Variants in ZNF827 observed in about 807,000 individuals in gnomAD.
The protein encoded by ZNF827 is zinc finger protein 827.
In ZNF827, 13 loss-of-function variants were observed where a neutral mutation model predicts 102.4. That is an observed-to-expected ratio of 0.13 (90% CI 0.08 to 0.20). The LOEUF is 0.20. ZNF827 is among the 10% of genes least tolerant of loss of function. The pLI, the probability that ZNF827 is intolerant of heterozygous loss-of-function variation, is 1.00. For missense variants in ZNF827, 1,103 were observed against 1,344.4 expected (o/e 0.82, Z 2.81); for synonymous variants, 523 against 536.2 (o/e 0.98, Z 0.34).
At chr4:145,797,900 A>C (rs191435167) in intron 8 of ZNF827, among the ~76,000 whole-genome samples, 2 of 152,294 alleles carry the variant, frequency 1.3e-5, no homozygotes, top group African/African-American at 4.8e-5. Context: ...AGTCTGAATA[A>C]TGTTCATTTC....
chr4:145,799,557 A>G (rs1170428457), intron 8 of ZNF827, among the ~76,000 whole-genome samples: 1 of 152,208 alleles, frequency 6.6e-6, no homozygotes, highest in East Asian at 1.9e-4. Context: ...ACCTAAAAGA[A>G]TTAACCTAAA....
intron 8 of ZNF827, among the ~76,000 whole-genome samples, chr4:145,809,504 C>T (rs1166561529): frequency 6.6e-6 from 1 of 152,172 alleles, no homozygotes; most frequent in East Asian, 1.9e-4. Context: ...TAAAAGTCCA[C>T]AAGACTAGGA....
In ZNF827 at chr4:145,809,197, A is replaced by G. The variant is rs185976022; in HGVS notation, c.2383+14225T>C. 6.3e-3 allele frequency among the ~76,000 whole-genome samples: 956 copies of G among 152,370 alleles called. 5 individuals are homozygous for G. The highest frequency in any genetic ancestry group is 9.9e-3 in the Non-Finnish European group (675 of 68,030). Reference sequence around the variant, plus strand: ...AAACTTCCAGAGAGAGTTGGTGTCAAGCATTCAGTATGAGAATAGTATGAA... The same window carrying G: ...AAACTTCCAGAGAGAGTTGGTGTCAGGCATTCAGTATGAGAATAGTATGAA... On this transcript the variant is annotated intron_variant, in intron 8 of 14. Coordinates refer to ENST00000508784, the MANE Select transcript of ZNF827 (RefSeq NM_001306215.2).
intron 7 of ZNF827, among the ~76,000 whole-genome samples, chr4:145,843,377 C>T (rs1313312969): frequency 6.6e-6 from 1 of 152,192 alleles, no homozygotes; most frequent in Non-Finnish European, 1.5e-5. Flanking sequence ...TCCTCTTACT[C>T]ATAATCTCCC....
chr4:145,904,912 C>T (rs1751719640), intron 1 of ZNF827, among the ~76,000 whole-genome samples: 1 of 152,184 alleles, frequency 6.6e-6, no homozygotes, highest in African/African-American at 2.4e-5. Flanking sequence ...GTGTGGAAAA[C>T]AGACTTCAGG....
chr4:145,856,485 C>T (rs138309429), intron 5 of ZNF827, among the ~76,000 whole-genome samples: 35 of 152,256 alleles, frequency 2.3e-4, no homozygotes, highest in Non-Finnish European at 4.1e-4. Context: ...CAGAGAGAGG[C>T]GATGCAAGCC....
chr4:145,830,078 C>T (rs547353030), intron 7 of ZNF827, among the ~76,000 whole-genome samples: 30 of 152,266 alleles, frequency 2.0e-4, no homozygotes, highest in African/African-American at 7.0e-4. Flanking sequence ...TTAGTTCAAA[C>T]ATCTTTTGAA....
chr4:145,887,518 TC>T (rs1217972333), intron 3 of ZNF827, among the ~76,000 whole-genome samples: 1 of 152,038 alleles, frequency 6.6e-6, no homozygotes, highest in African/African-American at 2.4e-5. Flanking sequence ...AGATTCTGGG[TC>T]CCCCAAAGCA....
At chr4:145,897,084 A>C (rs1751036536) in intron 2 of ZNF827, among the ~76,000 whole-genome samples, 1 of 152,230 alleles carries the variant, frequency 6.6e-6, no homozygotes, top group Admixed American at 6.5e-5. Context: ...AGGATACTAA[A>C]CTGAGGTAGT....
At chr4:145,923,842 T>C (rs1014727932) in intron 1 of ZNF827, among the ~76,000 whole-genome samples, 6 of 152,184 alleles carry the variant, frequency 3.9e-5, no homozygotes, top group African/African-American at 1.4e-4. Flanking sequence ...GATAAATAGA[T>C]ACAATGCATA....
chr4:145,808,060 T>C (rs1741654715), intron 8 of ZNF827, among the ~76,000 whole-genome samples: 1 of 152,036 alleles, frequency 6.6e-6, no homozygotes, highest in African/African-American at 2.4e-5. Flanking sequence ...ACACATTTTT[T>C]TTTTTTTCCT....
intron 8 of ZNF827, among the ~76,000 whole-genome samples, chr4:145,790,627 CA>C (rs1739543708): frequency 6.6e-6 from 1 of 152,116 alleles, no homozygotes; most frequent in Admixed American, 6.5e-5. Flanking sequence ...GATTGGAATC[CA>C]CTGGTATCCT....
chr4:145,781,222 A>G (rs1737998219), intron 8 of ZNF827, among the ~76,000 whole-genome samples: 1 of 136,576 alleles, frequency 7.3e-6, no homozygotes, highest in Non-Finnish European at 1.6e-5. Flanking sequence ...AAAAAAGAAA[A>G]AAAAAGAAAA....
intron 8 of ZNF827, among the ~76,000 whole-genome samples, chr4:145,822,497 C>T (rs923225211): frequency 2.0e-5 from 3 of 152,190 alleles, no homozygotes; most frequent in Non-Finnish European, 2.9e-5. Flanking sequence ...GAGACTTGGA[C>T]TTTATTTTTG....
chr4:145,777,692 T>C (rs1243369554), intron 9 of ZNF827, among the ~76,000 whole-genome samples: 1 of 152,222 alleles, frequency 6.6e-6, no homozygotes, highest in African/African-American at 2.4e-5. Flanking sequence ...ACAGGATTTA[T>C]CTATTTTATG....
intron 3 of ZNF827, among the ~76,000 whole-genome samples, chr4:145,886,673 G>T (rs145661360): frequency 6.6e-6 from 1 of 151,404 alleles, no homozygotes; most frequent in Non-Finnish European, 1.5e-5. Flanking sequence ...GGGTATTCCC[G>T]TTTCAAAGAC....
intron 6 of ZNF827, among the ~76,000 whole-genome samples, chr4:145,846,241 G>T (rs1745921713): frequency 6.6e-6 from 1 of 152,128 alleles, no homozygotes; most frequent in African/African-American, 2.4e-5. Context: ...CACTTTGGGA[G>T]GCTGAGGCGG....
chr4:145,774,719 C>T, intron 10 of ZNF827, 47 bp from the exon 11 acceptor site: 1 of 1,586,434 alleles, frequency 6.3e-7, no homozygotes, highest in Non-Finnish European at 8.6e-7. Flanking sequence ...AAGGGTGACA[C>T]ATACTTCTAA....
chr4:145,850,484 A>C (rs1167500370), intron 5 of ZNF827, among the ~76,000 whole-genome samples: 1 of 152,220 alleles, frequency 6.6e-6, no homozygotes, highest in Non-Finnish European at 1.5e-5. Flanking sequence ...GAAAAACAGC[A>C]ATCTTACAAG....
Sources: gnomAD v4.1 joint callset for allele counts (sites outside exome capture counted in the v4.1 genomes callset) on GRCh38, gnomAD v4.1.1 for gene constraint, MANE v1.5 for transcripts, NCBI Gene and HGNC (gene_info 2026-07-23, HGNC 2026-07-21) for gene names.